The following DGKZ variants were observed in gnomAD, a reference collection of about 807,000 sequenced individuals.
DGKZ encodes the protein DAG kinase zeta.
Under a neutral mutation model 142.5 loss-of-function variants are expected in DGKZ, and 45 were observed. The ratio of observed to expected loss-of-function variants is 0.32; its 90% CI spans 0.25 to 0.40. The LOEUF is 0.40. Among genes scored for constraint, DGKZ ranks in the 10% least tolerant of loss-of-function variants. DGKZ has a pLI of 1.00. For synonymous variants in DGKZ, 442 were observed against 527.0 expected (o/e 0.84, Z 2.21); for missense variants, 755 against 1,306.5 (o/e 0.58, Z 6.51).
chr11:46,375,991 G>C, intron 21 of DGKZ, 40 bp downstream of exon 21: 1 of 1,611,770 alleles, frequency 6.2e-7, no homozygotes, highest in South Asian at 1.1e-5. Flanking sequence ...GGCCAGGAGG[G>C]GCTGAAGCAG....
chr11:46,367,606 G>T lies in DGKZ; in HGVS notation c.271-46G>T. On this transcript the variant is annotated intron_variant, in intron 2 of 30. Coordinates refer to ENST00000527911, the Ensembl canonical transcript of DGKZ. The surrounding 1 kb of genome is among the most constrained non-coding windows in gnomAD (Gnocchi z 4.1). Reference sequence around the variant, plus strand: ...GGTGGGCGGGGGCTGATGGGAGGGAGGGCTGGGCGGCCAGCGTGTGCTGAG... The same window carrying T: ...GGTGGGCGGGGGCTGATGGGAGGGATGGCTGGGCGGCCAGCGTGTGCTGAG... 6.5e-7 allele frequency: 1 copy of T among 1,545,828 alleles called. No individual in the cohort carries two copies. The highest frequency in any genetic ancestry group is 8.8e-7 in the Non-Finnish European group (1 of 1,140,544).
chr11:46,337,459 C>G (rs1391504352), intron 1 of DGKZ, among the ~76,000 whole-genome samples: 1 of 151,832 alleles, frequency 6.6e-6, no homozygotes, highest in Non-Finnish European at 1.5e-5. Flanking sequence ...CCACGCCGGG[C>G]TAATTTTTGT....
chr11:46,350,531 G>C (rs938873203), intron 1 of DGKZ, among the ~76,000 whole-genome samples: 2 of 133,090 alleles, frequency 1.5e-5, no homozygotes, highest in Non-Finnish European at 3.2e-5. Flanking sequence ...CACACATCCA[G>C]CCTTGGGGTT....
At chr11:46,364,548 T>G in intron 1 of DGKZ, 1 of 985,330 alleles carries the variant, frequency 1.0e-6, no homozygotes, top group Non-Finnish European at 1.2e-6. Context: ...AGCTGGAAAC[T>G]CCAATAGGCA....
At chr11:46,335,306 C>T (rs1427425868) in intron 1 of DGKZ, among the ~76,000 whole-genome samples, 1 of 140,934 alleles carries the variant, frequency 7.1e-6, no homozygotes, top group Non-Finnish European at 1.5e-5. Context: ...GAGGGTGACT[C>T]CATCAAAAAA....
At chr11:46,361,668 G>T in intron 1 of DGKZ, 1 of 985,600 alleles carries the variant, frequency 1.0e-6, no homozygotes, top group Non-Finnish European at 1.2e-6. Context: ...CCGGCCTTGG[G>T]GACCCCAGCT....
chr11:46,338,900 G>C (rs1940144466), intron 1 of DGKZ: 1 of 152,236 alleles, frequency 6.6e-6, no homozygotes, highest in African/African-American at 2.4e-5. Flanking sequence ...GGTAAAACAA[G>C]TTAGAGCTTT....
intron 14 of DGKZ, 27 bp from the exon 15 acceptor site, chr11:46,374,130 C>T: frequency 1.2e-6 from 2 of 1,613,562 alleles, no homozygotes; most frequent in Non-Finnish European, 8.5e-7. Flanking sequence ...GCCCAGCCCT[C>T]ATTTTGGTCC....
chr11:46,369,827 C>T (rs1006468127), intron 5 of DGKZ, 114 bp from the exon 6 acceptor site: 67 of 1,152,760 alleles, frequency 5.8e-5, no homozygotes, highest in Non-Finnish European at 8.5e-5. Context: ...TCCACTCATG[C>T]GCAGGACTGC....
At chr11:46,352,785 A>G (rs1390565260) in intron 1 of DGKZ, among the ~76,000 whole-genome samples, 1 of 152,082 alleles carries the variant, frequency 6.6e-6, no homozygotes, top group East Asian at 1.9e-4. Context: ...GGTGCCAGGC[A>G]CTCATTCCTT....
chr11:46,346,630 G>T (rs968310684), upstream of DGKZ, among the ~76,000 whole-genome samples: 1 of 152,214 alleles, frequency 6.6e-6, no homozygotes, highest in African/African-American at 2.4e-5. Flanking sequence ...GGGAGTATTT[G>T]TATGTAGGAG....
intron 1 of DGKZ, among the ~76,000 whole-genome samples, chr11:46,353,526 G>A (rs774115811): frequency 3.3e-5 from 5 of 152,214 alleles, no homozygotes; most frequent in Non-Finnish European, 7.3e-5. Flanking sequence ...GGGGCTGTGA[G>A]CCCGTCATCA....
Position 46,367,597 on chromosome 11 carries a change from T to C in DGKZ, c.271-55T>C, listed in dbSNP as rs1367788192. 5 of 1,073,764 alleles carry C rather than the reference T, an allele frequency of 4.7e-6. No homozygotes were observed. In the African/African-American group the frequency reaches 1.2e-4, roughly 25 times the overall value. The allele number at this position is 1,073,764 out of a possible 1,614,324, so 66.5% of individuals were successfully genotyped here. ...GAGAGGGCGGGTGGGCGGGGGCTGA[T>C]GGGAGGGAGGGCTGGGCGGCCAGCG... On this transcript the variant is annotated intron_variant, in intron 2 of 30. Coordinates refer to ENST00000527911, the Ensembl canonical transcript of DGKZ. This position sits in a 1 kb window ranked among gnomAD's most constrained non-coding sequence, Gnocchi z 4.1.
intron 1 of DGKZ, among the ~76,000 whole-genome samples, chr11:46,336,160 G>C (rs940972917): frequency 2.0e-5 from 3 of 152,234 alleles, no homozygotes; most frequent in African/African-American, 7.2e-5. Flanking sequence ...GAGGACGGGG[G>C]CTTTGGCAGG....
intron 1 of DGKZ, among the ~76,000 whole-genome samples, chr11:46,348,463 C>G (rs766913931): frequency 6.6e-6 from 1 of 152,170 alleles, no homozygotes; most frequent in African/African-American, 2.4e-5. Flanking sequence ...AGAGAGACCC[C>G]AGCCCATCCC....
At chr11:46,363,405 C>A (rs1745715979) in intron 1 of DGKZ, among the ~76,000 whole-genome samples, 1 of 152,208 alleles carries the variant, frequency 6.6e-6, no homozygotes, top group South Asian at 2.1e-4. Context: ...CCGTGAGGGG[C>A]CAACTTGCAC....
intron 1 of DGKZ, among the ~76,000 whole-genome samples, chr11:46,352,269 G>C (rs746433631): frequency 2.0e-5 from 3 of 152,250 alleles, no homozygotes; most frequent in African/African-American, 7.2e-5. Flanking sequence ...AGCAGCCCCT[G>C]GAGGCTGCCC....
intron 1 of DGKZ, among the ~76,000 whole-genome samples, chr11:46,348,450 A>C (rs1290837964): frequency 2.0e-5 from 3 of 151,952 alleles, no homozygotes; most frequent in Non-Finnish European, 4.4e-5. Context: ...GCTCTTAATT[A>C]GCAGAGAGAC....
intron 1 of DGKZ, among the ~76,000 whole-genome samples, chr11:46,350,205 G>A (rs1941195239): frequency 6.6e-6 from 1 of 152,180 alleles, no homozygotes; most frequent in Non-Finnish European, 1.5e-5. Flanking sequence ...ACTTTCTCCT[G>A]GCAGGCCTGG....
Sources: allele counts gnomAD v4.1 joint callset (sites outside exome capture counted in the v4.1 genomes callset), GRCh38; gene constraint gnomAD v4.1.1; non-coding constraint Gnocchi (gnomAD v3.1); transcripts MANE v1.5; gene names NCBI Gene and HGNC (gene_info 2026-07-23, HGNC 2026-07-21).